The following SSTR5 variants were observed in gnomAD, a reference collection of about 807,000 sequenced individuals.
SSTR5 encodes somatostatin receptor 5, also known as somatostatin receptor type 5.
In SSTR5, 1 loss-of-function variant was observed where a neutral mutation model predicts 0.3. That is an observed-to-expected ratio of 2.98 (90% CI 1.06 to 14.15). The LOEUF is 14.15. SSTR5 is among the 30% of genes most tolerant of loss of function. The pLI is 0.12. For synonymous variants in SSTR5, 256 were observed against 263.1 expected (o/e 0.97, Z 0.26); for missense variants, 516 against 543.2 (o/e 0.95, Z 0.50).
intron 1 of SSTR5, 167 bp downstream of exon 1, chr16:1,072,989 G>A (rs1406092430): frequency 6.6e-6 from 1 of 152,204 alleles, no homozygotes; most frequent in African/African-American, 2.4e-5. Context: ...GCACACCCGC[G>A]GGGCTCTCCT....
chr16:1,074,944 C>T lies in SSTR5; in HGVS notation c.-28+2122C>T, dbSNP rs577359812. 7.2e-5 allele frequency among the ~76,000 whole-genome samples: 11 copies of T among 152,280 alleles called. No individual in the cohort carries two copies. In the East Asian group the frequency reaches 1.2e-3, roughly 16 times the overall value. On this transcript the variant is annotated intron_variant, in intron 1 of 1. Transcript: ENST00000689027. ...GTGACTTACCCCAGACCACGCAGCC[C>T]GTGTGGGGAGTGGTCAGGGGCCGGG...
At chr16:1,075,900 C>CA in intron 1 of SSTR5, among the ~76,000 whole-genome samples, 1 of 85,760 alleles carries the variant, frequency 1.2e-5, no homozygotes, top group South Asian at 5.6e-4. Context: ...TCTCTCTCCC[C>CA]CCCCACTCTC....
intron 1 of SSTR5, among the ~76,000 whole-genome samples, chr16:1,076,572 C>G (rs1274305966): frequency 2.0e-5 from 3 of 151,600 alleles, no homozygotes; most frequent in African/African-American, 7.3e-5. Flanking sequence ...CTGGGGGAGC[C>G]CAGCCATGCT....
chr16:1,078,515 C>A (rs961898175), intron 1 of SSTR5: 3 of 369,422 alleles, frequency 8.1e-6, no homozygotes, highest in Non-Finnish European at 1.5e-5. Context: ...CAGGGAGACG[C>A]AGGTGCTGGC....
In SSTR5 at chr16:1,079,616, G is replaced by C; in HGVS notation, c.748G>C (p.Val250Leu). ...CTCGGAGCGGAAGGTGACGCGCATGGTGTTGGTGGTGGTGCTGGTGTTTGC... is the reference window on the plus strand; with the variant it reads ...CTCGGAGCGGAAGGTGACGCGCATGCTGTTGGTGGTGGTGCTGGTGTTTGC... ...RRSERKVTRM[V>L]LVVVLVFAGC... is the part of the protein sequence containing the mutation. Residue 250 changes from valine to leucine, a missense_variant, in exon 2 of 2, where the codon GTG (valine) becomes CTG (leucine). Physicochemically the swap from Val to Leu is conservative, Grantham distance 32 (BLOSUM62 1). Coordinates refer to ENST00000689027, the MANE Select transcript of SSTR5 (RefSeq NM_001172560.3). 1 of 1,612,212 alleles carries C rather than the reference G, an allele frequency of 6.2e-7. No individual in the cohort carries two copies. Among genetic ancestry groups the C allele is most frequent in the Non-Finnish European group, 8.5e-7 (1 of 1,179,332 alleles).
intron 1 of SSTR5, among the ~76,000 whole-genome samples, chr16:1,075,885 G>GTC (rs1188677675): frequency 2.8e-5 from 1 of 36,316 alleles, no homozygotes; most frequent in African/African-American, 1.2e-4. Context: ...CCCCTACCCT[G>GTC]TCTCTCTCTC....
rs1960356260 is a variant in SSTR5 at position 1,080,737 on chromosome 16, C to A, written c.*774C>A. 6.6e-6 allele frequency among the ~76,000 whole-genome samples: 1 copy of A among 152,170 alleles called. No individual in the cohort carries two copies. The highest frequency in any genetic ancestry group is 1.5e-5 in the Non-Finnish European group (1 of 68,026). ...GCTGAGGTTGGGGTGAAGGCTGCAG[C>A]CCTCCAGGCTGCTGGGGGTGCAGAT... On this transcript the variant is annotated 3_prime_UTR_variant, in exon 2 of 2. Coordinates refer to ENST00000689027, the MANE Select transcript of SSTR5 (RefSeq NM_001172560.3).
chr16:1,076,844 T>C (rs554969263), intron 1 of SSTR5, among the ~76,000 whole-genome samples: 2 of 152,356 alleles, frequency 1.3e-5, no homozygotes, highest in Admixed American at 6.5e-5. Context: ...ATTTTATCCA[T>C]GCTGTCTCTG....
At chr16:1,078,765 G>A in intron 1 of SSTR5, 77 bp from the exon 2 acceptor site, 1 of 1,414,172 alleles carries the variant, frequency 7.1e-7, no homozygotes, top group Non-Finnish European at 9.6e-7. Context: ...GCGGGGCTGG[G>A]GCCCAGGAGG....
At position 1,079,095 on chromosome 16, in the gene SSTR5, A is replaced by G. The variant is rs1299561296; in HGVS notation, c.227A>G (p.Asn76Ser). 6.2e-7 allele frequency: 1 copy of G among 1,612,670 alleles called. No individual in the cohort carries two copies. Among genetic ancestry groups the G allele is most frequent in the South Asian group, 1.1e-5 (1 of 91,088 alleles). ...LRFAKMKTVT[N>S]IYILNLAVAD... The stretch of plus-strand genomic sequence containing the variant: ...TTCGCCAAGATGAAGACCGTCACCA[A>G]CATCTACATTCTCAACCTGGCAGTG... The change falls in exon 2 of 2, where the codon AAC becomes AGC. Residue 76 changes from asparagine (N) to serine (S), a missense_variant. Asn to Ser is a conservative substitution (Grantham distance 46). Transcript: ENST00000689027.
chr16:1,080,223 C>T lies in SSTR5; in HGVS notation c.*260C>T, dbSNP rs1567387454. ...AGACCGGTGGGGGGCTCCGCCATGC[C>T]GTGCAAGTGCTCAGGGCCGCCTCAC... On this transcript the variant is annotated 3_prime_UTR_variant, in exon 2 of 2. Coordinates refer to ENST00000689027, the MANE Select transcript of SSTR5 (RefSeq NM_001172560.3). 2.0e-6 allele frequency: 1 copy of T among 508,294 alleles called. No homozygotes were observed. The highest frequency in any genetic ancestry group is 3.5e-6 in the Non-Finnish European group (1 of 284,446). 31.5% of individuals were successfully genotyped at this position (508,294 alleles called of 1,614,324 possible).
Position 1,079,739 on chromosome 16 carries a change from A to G in SSTR5, c.871A>G (p.Ile291Val), listed in dbSNP as rs1184848824. Reference sequence around the variant, plus strand: ...CGCCGGCCTCTACTTCTTCGTGGTCATCCTCTCCTACGCCAACAGCTGTGC... The same window carrying G: ...CGCCGGCCTCTACTTCTTCGTGGTCGTCCTCTCCTACGCCAACAGCTGTGC... ...ASAGLYFFVV[I>V]LSYANSCANP... is the part of the protein sequence containing the mutation. The change falls in exon 2 of 2, where the codon ATC becomes GTC. Residue 291 changes from isoleucine (I) to valine (V), a missense_variant. Coordinates refer to ENST00000689027, the MANE Select transcript of SSTR5 (RefSeq NM_001172560.3). The G allele has an allele frequency of 1.2e-6, 2 of 1,612,192 alleles. No homozygotes were observed. Among genetic ancestry groups the G allele is most frequent in the Admixed American group, 3.3e-5 (2 of 60,024 alleles).
rs774545674 is a variant in SSTR5 at position 1,079,553 on chromosome 16, A to T, written c.685A>T (p.Arg229Trp). ...CTACCTGCTCATCGTGGTGAAGGTGAGGGCGGCGGGCGTGCGCGTGGGCTG... is the reference window on the plus strand; with the variant it reads ...CTACCTGCTCATCGTGGTGAAGGTGTGGGCGGCGGGCGTGCGCGTGGGCTG... ...LCYLLIVVKV[R>W]AAGVRVGCVR... The change falls in exon 2 of 2, where the codon AGG (arginine) becomes TGG (tryptophan). Residue 229 changes from arginine (R) to tryptophan (W), a missense_variant. Coordinates refer to ENST00000689027, the MANE Select transcript of SSTR5 (RefSeq NM_001172560.3). The T allele has an allele frequency of 1.2e-6, 2 of 1,611,876 alleles. No homozygotes were observed. Among genetic ancestry groups the T allele is most frequent in the Admixed American group, 3.3e-5 (2 of 59,922 alleles).
chr16:1,079,968 G>A lies in SSTR5; in HGVS notation c.*5G>A, dbSNP rs1960331288. On this transcript the variant is annotated 3_prime_UTR_variant, in exon 2 of 2. Transcript: ENST00000689027. ...ATGCAGACCAGCAAGCTGTGAGAGT[G>A]CAGGCGGGGGGTGGGCGGCCCCGTG... 1 of 1,593,282 alleles carries A rather than the reference G, an allele frequency of 6.3e-7. No homozygotes were observed. Among genetic ancestry groups the A allele is most frequent in the Admixed American group, 1.7e-5 (1 of 57,520 alleles).
At position 1,079,345 on chromosome 16, in the gene SSTR5, G is replaced by T; in HGVS notation, c.477G>T (p.Ala159=). The change falls in exon 2 of 2, where the codon GCG becomes GCT. Residue 159 remains alanine, a synonymous_variant. Transcript: ENST00000689027. The stretch of plus-strand genomic sequence containing the variant: ...GCCGCCCGCGTGTGGCCAAGCTGGC[G>T]AGCGCCGCGGCCTGGGTCCTGTCTC... ...RWRRPRVAKL[A]SAAAWVLSLC... 1.2e-6 allele frequency: 2 copies of T among 1,603,346 alleles called. No individual in the cohort carries two copies. The highest frequency in any genetic ancestry group is 2.7e-5 in the African/African-American group (2 of 74,766).
At chr16:1,078,778 G>A in intron 1 of SSTR5, 64 bp from the exon 2 acceptor site, 1 of 1,490,454 alleles carries the variant, frequency 6.7e-7, no homozygotes. Flanking sequence ...CCAGGAGGAA[G>A]GAATGCCTGC....
In SSTR5 at chr16:1,078,838, G is replaced by A; in HGVS notation, c.-27-4G>A. 1 of 1,600,418 alleles carries A rather than the reference G, an allele frequency of 6.2e-7. No homozygotes were observed. Among genetic ancestry groups the A allele is most frequent in the East Asian group, 2.2e-5 (1 of 44,776 alleles). ...CCCTGGCGTCCTCCCTTCTTCTCTT[G>A]CAGAGCCTGACGCACCCCAGGGCTG... On this transcript the variant is annotated splice_polypyrimidine_tract_variant and splice_region_variant and intron_variant, in intron 1 of 1. Transcript: ENST00000689027.
In SSTR5 at chr16:1,079,498, C is replaced by A. The variant is rs762106726; in HGVS notation, c.630C>A (p.Phe210Leu). 6.2e-7 allele frequency: 1 copy of A among 1,611,932 alleles called. No homozygotes were observed. Among genetic ancestry groups the A allele is most frequent in the Admixed American group, 1.7e-5 (1 of 59,942 alleles). ...TCATCTACACGGCCGTGCTGGGCTT[C>A]TTCGCGCCGCTGCTGGTCATCTGCC... ...VFIIYTAVLGFFAPLLVICLC... is the reference protein window; with the variant it reads ...VFIIYTAVLGLFAPLLVICLC... The change falls in exon 2 of 2, where the codon TTC becomes TTA. Residue 210 changes from phenylalanine (F) to leucine (L), a missense_variant. Phe to Leu is a conservative substitution (Grantham distance 22). Coordinates refer to ENST00000689027, the MANE Select transcript of SSTR5 (RefSeq NM_001172560.3).
chr16:1,081,034 G>A lies in SSTR5; in HGVS notation c.*1071G>A, dbSNP rs548170676. On this transcript the variant is annotated 3_prime_UTR_variant, in exon 2 of 2. Coordinates refer to ENST00000689027, the MANE Select transcript of SSTR5 (RefSeq NM_001172560.3). ...CTGCTGAGAGGCAGCGGCCGCGCGG[G>A]TGACGCAAATGGCAGGCCCTGGGAA... 5 of 470,284 alleles carry A rather than the reference G, an allele frequency of 1.1e-5. No homozygotes were observed. The highest frequency in any genetic ancestry group is 1.6e-5 in the South Asian group (1 of 64,466). 29.1% of individuals were successfully genotyped at this position (470,284 alleles called of 1,614,324 possible).
Sources: gnomAD v4.1 joint callset for allele counts (sites outside exome capture counted in the v4.1 genomes callset) on GRCh38, gnomAD v4.1.1 for gene constraint, MANE v1.5 for transcripts, NCBI Gene and HGNC (gene_info 2026-07-23, HGNC 2026-07-21) for gene names.